The following POU2F2 variants were observed in gnomAD, a reference collection of about 807,000 sequenced individuals.
The protein encoded by POU2F2 is POU class 2 homeobox 2.
Under a neutral mutation model 63.5 loss-of-function variants are expected in POU2F2, and 14 were observed. That is an observed-to-expected ratio of 0.22 (90% CI 0.15 to 0.34). POU2F2 has a LOEUF of 0.34. Ranked by LOEUF, POU2F2 falls within the 10% of genes least tolerant of loss-of-function variation. The probability of loss-of-function intolerance (pLI) is 1.00; values close to 1 mark genes in which losing one functional copy is unlikely to be tolerated. For synonymous variants in POU2F2, 306 were observed against 348.6 expected, an observed-to-expected ratio of 0.88 and a Z score of 1.36; for missense variants, 607 against 815.2, an observed-to-expected ratio of 0.74 and a Z score of 3.11.
chr19:42,124,114 G>A (rs2032948766), intron 1 of POU2F2, among the ~76,000 whole-genome samples: 1 of 152,012 alleles, frequency 6.6e-6, no homozygotes, highest in Non-Finnish European at 1.5e-5. Flanking sequence ...GACCAGCCTA[G>A]GCAACATGGA....
chr19:42,145,606 CAAGCTCTTGG>C lies in POU2F2; in HGVS notation c.-9+14716_-9+14725del, dbSNP rs1226549237. The stretch of plus-strand genomic sequence containing the variant: ...TGACAACCATTTACTGAGATGGACA[CAAGCTCTTGG>C]AAAAGCTTGGGAGAGGGAATCAAGA... On this transcript the variant is annotated intron_variant, in intron 2 of 6. Transcript: ENST00000524801. Among the ~76,000 whole-genome samples the C allele has an allele frequency of 3.3e-5, 5 of 152,342 alleles. No individual in the cohort carries two copies. The East Asian group carries it at 9.6e-4, about 29-fold the overall frequency.
chr19:42,095,224 G>C lies in POU2F2; in HGVS notation c.1197+62C>G. 1 of 1,537,222 alleles carries C rather than the reference G, an allele frequency of 6.5e-7. No homozygotes were observed. The highest frequency in any genetic ancestry group is 8.8e-7 in the Non-Finnish European group (1 of 1,141,298). Reference sequence around the variant, plus strand: ...CTCTGTGGACAACCAGGTAGGGTGGGCTTCACACAGGTGCCTGCGGAGCTC... The same window carrying C: ...CTCTGTGGACAACCAGGTAGGGTGGCCTTCACACAGGTGCCTGCGGAGCTC... On this transcript the variant is annotated intron_variant, in intron 11 of 14. Transcript: ENST00000692977. The surrounding 1 kb of genome is among the most constrained non-coding windows in gnomAD (Gnocchi z 7.1).
chr19:42,094,092 C>G (rs552559553), intron 11 of POU2F2, among the ~76,000 whole-genome samples, 197 bp from the exon 12 acceptor site: 4 of 152,234 alleles, frequency 2.6e-5, no homozygotes, highest in Non-Finnish European at 2.9e-5. Context: ...GGCTAATTCT[C>G]CATTGAGAAC....
rs753161719 is a variant in POU2F2, at chr19:42,095,976, C to A, written c.730-47G>T. On this transcript the variant is annotated intron_variant, in intron 8 of 14. Transcript: ENST00000692977. The surrounding 1 kb of genome is among the most constrained non-coding windows in gnomAD (Gnocchi z 7.1). Reference sequence around the variant, plus strand: ...GGGCCCGAAGTCAGGGTGGGGCCTTCCGGCACTGGGCCCGCTCCGCCCGCC... The same window carrying A: ...GGGCCCGAAGTCAGGGTGGGGCCTTACGGCACTGGGCCCGCTCCGCCCGCC... 5.0e-6 allele frequency: 8 copies of A among 1,605,106 alleles called. No individual in the cohort carries two copies. In the South Asian group the frequency reaches 8.9e-5, roughly 18 times the overall value.
rs2034362498 is a variant in POU2F2, at chr19:42,152,069, C to T, written c.-9+8263G>A. 1.3e-5 allele frequency among the ~76,000 whole-genome samples: 2 copies of T among 152,120 alleles called. No homozygotes were observed. ...GGCTACAGTGAAGGAGGAGGATTCA[C>T]ACTCTGGTTGGTCACAATCCACCCA... On this transcript the variant is annotated intron_variant, in intron 2 of 6. Transcript: ENST00000524801. The surrounding 1 kb of genome is among the most constrained non-coding windows in gnomAD (Gnocchi z 4.1).
rs1055132301 is a variant in POU2F2, at chr19:42,090,991, T to G, written c.*266A>C. 2.0e-4 allele frequency: 54 copies of G among 273,764 alleles called. No individual in the cohort carries two copies. Among genetic ancestry groups the G allele is most frequent in the East Asian group, 2.5e-4 (4 of 16,256 alleles). The allele number at this position is 273,764 out of a possible 1,614,324, so 17.0% of individuals were successfully genotyped here. On this transcript the variant is annotated 3_prime_UTR_variant, in exon 15 of 15. Coordinates refer to ENST00000692977, the MANE Select transcript of POU2F2 (RefSeq NM_001394376.1). The surrounding 1 kb of genome is among the most constrained non-coding windows in gnomAD (Gnocchi z 4.4). ...GTGGGTTTTTTTTTTTTTTGGTTTGTTTTTGGTTTTTTTTTGTTTGTTTTT... is the reference window on the plus strand; with the variant it reads ...GTGGGTTTTTTTTTTTTTTGGTTTGGTTTTGGTTTTTTTTTGTTTGTTTTT...
At chr19:42,121,260 A>G (rs984645171) in intron 4 of POU2F2, among the ~76,000 whole-genome samples, 5 of 152,184 alleles carry the variant, frequency 3.3e-5, no homozygotes, top group Non-Finnish European at 7.3e-5. Flanking sequence ...GACCCCGTTC[A>G]AAGCGCTCAG....
chr19:42,106,844 G>A (rs1278754281), intron 5 of POU2F2, among the ~76,000 whole-genome samples: 4 of 151,300 alleles, frequency 2.6e-5, no homozygotes, highest in Non-Finnish European at 5.9e-5. Context: ...AGGAGCAGGA[G>A]GAGAAGGAGA....
At chr19:42,093,003 ATATATATTTT>A (rs1048127726) in intron 12 of POU2F2, among the ~76,000 whole-genome samples, 1 of 94,972 alleles carries the variant, frequency 1.1e-5, no homozygotes, top group African/African-American at 4.3e-5. Flanking sequence ...ATATATATAT[ATATATATTTT>A]TTTTTTTTTT....
chr19:42,170,914 T>C (rs914567290), intron 1 of POU2F2, among the ~76,000 whole-genome samples: 2 of 152,240 alleles, frequency 1.3e-5, no homozygotes, highest in African/African-American at 4.8e-5. Flanking sequence ...CTGAGTCACA[T>C]CAGTTGTCGA....
intron 1 of POU2F2, among the ~76,000 whole-genome samples, chr19:42,170,184 T>A (rs2034732516): frequency 6.6e-6 from 1 of 152,012 alleles, no homozygotes; most frequent in African/African-American, 2.4e-5. Context: ...TTCAGGGAGA[T>A]GCCCCCCTCA....
intron 2 of POU2F2, among the ~76,000 whole-genome samples, chr19:42,150,229 G>A (rs2146770009): frequency 6.6e-6 from 1 of 152,112 alleles, no homozygotes. Flanking sequence ...CCCATCCCAT[G>A]GCCACCTTTC....
chr19:42,133,837 CAG>C (rs2033918718), upstream of POU2F2, among the ~76,000 whole-genome samples: 1 of 152,170 alleles, frequency 6.6e-6, no homozygotes, highest in Non-Finnish European at 1.5e-5. This position sits in a 1 kb window ranked among gnomAD's most constrained non-coding sequence, Gnocchi z 5.1. Flanking sequence ...CAGGCACACT[CAG>C]AAAGGGTATA....
chr19:42,121,061 C>T (rs2032550697), intron 4 of POU2F2, among the ~76,000 whole-genome samples: 1 of 152,128 alleles, frequency 6.6e-6, no homozygotes, highest in South Asian at 2.1e-4. Context: ...AACCTTCATT[C>T]CCTTGGTCCC....
chr19:42,188,226 CGTG>C (rs1568428518), intron 1 of POU2F2, among the ~76,000 whole-genome samples: 1 of 151,702 alleles, frequency 6.6e-6, no homozygotes, highest in African/African-American at 2.4e-5. Context: ...ATTAGCCAGG[CGTG>C]GTGGTGCGTG....
Position 42,095,679 on chromosome 19 carries a change from C to T in POU2F2, c.886G>A (p.Asp296Asn), listed in dbSNP as rs1394592921. The T allele has an allele frequency of 6.2e-7, 1 of 1,611,942 alleles. No individual in the cohort carries two copies. The highest frequency in any genetic ancestry group is 2.2e-5 in the East Asian group (1 of 44,854). The change falls in exon 10 of 15, where the codon GAC (aspartate) becomes AAC (asparagine). Residue 296 changes from aspartate to asparagine, a missense_variant. By Grantham distance (23) the Asp-to-Asn change is conservative. This residue lies in a region of POU2F2 where 39 missense variants were observed against 36.3 expected (regional missense o/e 1.07). Transcript: ENST00000692977. This position sits in a 1 kb window ranked among gnomAD's most constrained non-coding sequence, Gnocchi z 7.1. The part of the protein sequence containing the change: ...WLNDAETMSV[D>N]SSLPSPNQLS... ...TGGTTGGGGCTGGGCAGGCTTGAGT[C>T]CACAGACATAGTCTCTGTGCGCCGG...
At chr19:42,188,848 G>A (rs2035043959) in intron 1 of POU2F2, among the ~76,000 whole-genome samples, 1 of 139,966 alleles carries the variant, frequency 7.1e-6, no homozygotes, top group Non-Finnish European at 1.5e-5. Context: ...GAAAGAAAGG[G>A]AAAGAGAGAG....
intron 1 of POU2F2, among the ~76,000 whole-genome samples, chr19:42,166,701 G>T (rs1447905507): frequency 6.6e-6 from 1 of 152,046 alleles, no homozygotes; most frequent in Non-Finnish European, 1.5e-5. Flanking sequence ...GGGTCGTGAG[G>T]GAGATGAGGG....
At chr19:42,125,295 G>A (rs1449284200) in intron 1 of POU2F2, among the ~76,000 whole-genome samples, 3 of 150,584 alleles carry the variant, frequency 2.0e-5, no homozygotes, top group Non-Finnish European at 2.9e-5. Context: ...CCAGGAGATT[G>A]AGGCTACAGT....
Sources: gnomAD v4.1 joint callset for allele counts (sites outside exome capture counted in the v4.1 genomes callset) on GRCh38, gnomAD v4.1.1 for gene constraint, gnomAD v4.1.1 regional missense constraint, Gnocchi (gnomAD v3.1) non-coding constraint, MANE v1.5 for transcripts, NCBI Gene and HGNC (gene_info 2026-07-23, HGNC 2026-07-21) for gene names.